PALLD: variants seen among roughly 807,000 people sequenced by gnomAD.
PALLD encodes the protein palladin, cytoskeletal associated protein, also known as palladin.
In PALLD, 61 loss-of-function variants were observed where a neutral mutation model predicts 123.5. The ratio of observed to expected loss-of-function variants is 0.49; its 90% CI spans 0.40 to 0.61. The LOEUF (loss-of-function observed/expected upper bound fraction) is 0.61, where lower values mean the gene tolerates loss of function less well. Among genes scored for constraint, PALLD ranks in the 20% least tolerant of loss-of-function variants. The pLI, the probability that PALLD is intolerant of heterozygous loss-of-function variation, is 0.00. For missense variants in PALLD, 1,273 were observed against 1,377.0 expected (o/e 0.92, Z 1.20); for synonymous variants, 465 against 496.4 (o/e 0.94, Z 0.84).
chr4:168,806,880 A>T (rs1025063499), intron 10 of PALLD, among the ~76,000 whole-genome samples: 3 of 152,180 alleles, frequency 2.0e-5, no homozygotes, highest in Non-Finnish European at 2.9e-5. Context: ...GTATATATAT[A>T]TACACATATA....
intron 20 of PALLD, 43 bp downstream of exon 20, chr4:168,925,121 A>G (rs754179548): frequency 6.2e-7 from 1 of 1,608,000 alleles, no homozygotes; most frequent in Non-Finnish European, 8.5e-7. Flanking sequence ...TACTCATTAA[A>G]TTATGAAAAA....
intron 2 of PALLD, among the ~76,000 whole-genome samples, chr4:168,622,716 A>G (rs1351579112): frequency 6.6e-6 from 1 of 152,184 alleles, no homozygotes; most frequent in African/African-American, 2.4e-5. Flanking sequence ...ATGCTTTTAA[A>G]TCTGAATATC....
At chr4:168,875,799 A>AAT (rs1465565619) in intron 10 of PALLD, among the ~76,000 whole-genome samples, 2 of 152,234 alleles carry the variant, frequency 1.3e-5, no homozygotes, top group Non-Finnish European at 2.9e-5. Context: ...GTTGAGAACC[A>AAT]ATATAGTCCT....
intron 20 of PALLD, 73 bp from the exon 21 acceptor site, chr4:168,925,160 C>A (rs914160651): frequency 1.4e-5 from 22 of 1,580,480 alleles, no homozygotes; most frequent in Admixed American, 6.7e-5. Flanking sequence ...AATCACATTA[C>A]TCTTTATAAA....
At chr4:168,677,277 A>G (rs1002832686) in intron 3 of PALLD, among the ~76,000 whole-genome samples, 2 of 151,942 alleles carry the variant, frequency 1.3e-5, no homozygotes, top group African/African-American at 4.8e-5. Context: ...AAGGCAGGGA[A>G]CTGGCTGGCA....
intron 2 of PALLD, among the ~76,000 whole-genome samples, chr4:168,609,275 G>T (rs960685302): frequency 7.1e-6 from 1 of 140,156 alleles, no homozygotes; most frequent in African/African-American, 2.7e-5. Context: ...AGTTCCACTT[G>T]TCAAGCACTG....
At chr4:168,678,505 G>T (rs572297143) in intron 3 of PALLD, among the ~76,000 whole-genome samples, 10 of 152,276 alleles carry the variant, frequency 6.6e-5, no homozygotes, top group African/African-American at 1.9e-4. Context: ...GACCGTGGAA[G>T]ATAGCGTATC....
chr4:168,851,698 T>G (rs1175659482), intron 10 of PALLD, among the ~76,000 whole-genome samples: 1 of 152,212 alleles, frequency 6.6e-6, no homozygotes. Flanking sequence ...ACTTATACCT[T>G]GGAACTTTAA....
chr4:168,909,365 CCATATTACATAAATA>C (rs1758441443), intron 15 of PALLD, among the ~76,000 whole-genome samples: 2 of 152,094 alleles, frequency 1.3e-5, no homozygotes, highest in Non-Finnish European at 2.9e-5. Flanking sequence ...AATGTTATTT[CCATATTACATAAATA>C]ATTGGCCTTG....
At chr4:168,747,180 G>T (rs1298953465) in intron 10 of PALLD, among the ~76,000 whole-genome samples, 1 of 152,236 alleles carries the variant, frequency 6.6e-6, no homozygotes, top group Non-Finnish European at 1.5e-5. Context: ...TGTGCTCTGA[G>T]GTTTCTCATA....
At chr4:168,762,190 T>C (rs1733037154) in intron 10 of PALLD, among the ~76,000 whole-genome samples, 1 of 152,192 alleles carries the variant, frequency 6.6e-6, no homozygotes, top group Non-Finnish European at 1.5e-5. Context: ...AATGCCATTC[T>C]CGGCTGGGCG....
chr4:168,531,683 T>C (rs1764613187), intron 2 of PALLD, among the ~76,000 whole-genome samples: 1 of 152,198 alleles, frequency 6.6e-6, no homozygotes, highest in Admixed American at 6.5e-5. Context: ...AGAAAAATCC[T>C]CCCTCACATT....
chr4:168,729,873 C>T (rs1245493035), intron 10 of PALLD, among the ~76,000 whole-genome samples: 2 of 152,114 alleles, frequency 1.3e-5, no homozygotes, highest in African/African-American at 4.8e-5. Context: ...TTCCTAAGAA[C>T]GTTGAAGGAA....
intron 10 of PALLD, among the ~76,000 whole-genome samples, chr4:168,712,785 C>G (rs1288846182): frequency 3.3e-5 from 5 of 152,142 alleles, no homozygotes; most frequent in South Asian, 4.1e-4. Flanking sequence ...AAAGCCCCTT[C>G]TATTTACCCA....
chr4:168,660,562 G>A (rs923376966), intron 2 of PALLD, among the ~76,000 whole-genome samples: 1 of 151,862 alleles, frequency 6.6e-6, no homozygotes, highest in African/African-American at 2.4e-5. Context: ...ATCCTTACGG[G>A]GAGGGAGGAA....
chr4:168,797,200 A>G (rs2150654252), intron 10 of PALLD, among the ~76,000 whole-genome samples: 1 of 151,842 alleles, frequency 6.6e-6, no homozygotes, highest in East Asian at 1.9e-4. Context: ...TGAGCAAAGA[A>G]AAAAAGAAAC....
At chr4:168,788,225 G>C (rs900047916) in intron 10 of PALLD, among the ~76,000 whole-genome samples, 3 of 92,068 alleles carry the variant, frequency 3.3e-5, no homozygotes, top group Non-Finnish European at 6.5e-5. Context: ...TTCCTTACAA[G>C]TACTTTGAAC....
At chr4:168,638,181 C>T (rs1376941465) in intron 2 of PALLD, among the ~76,000 whole-genome samples, 3 of 152,146 alleles carry the variant, frequency 2.0e-5, no homozygotes, top group South Asian at 2.1e-4. Context: ...CTTTAATCCT[C>T]ACAAAAATAT....
At chr4:168,611,193 G>A (rs570382824) in intron 2 of PALLD, among the ~76,000 whole-genome samples, 1 of 152,276 alleles carries the variant, frequency 6.6e-6, no homozygotes, top group East Asian at 1.9e-4. Context: ...CCAAGAGCCT[G>A]CGCCATACTC....
Sources: allele counts gnomAD v4.1 joint callset (sites outside exome capture counted in the v4.1 genomes callset), GRCh38; gene constraint gnomAD v4.1.1; transcripts MANE v1.5; gene names NCBI Gene and HGNC (gene_info 2026-07-23, HGNC 2026-07-21).